EHMT1: variants seen among roughly 807,000 people sequenced by gnomAD.
The protein encoded by EHMT1 is histone-lysine N-methyltransferase EHMT1.
Under a neutral mutation model 147.2 loss-of-function variants are expected in EHMT1, and 15 were observed. The observed-to-expected ratio is 0.10, with a 90% CI of 0.07 to 0.16. The LOEUF is 0.16. Ranked by LOEUF, EHMT1 falls within the 10% of genes least tolerant of loss-of-function variation. The probability of loss-of-function intolerance (pLI) is 1.00; values close to 1 mark genes in which losing one functional copy is unlikely to be tolerated. For synonymous variants in EHMT1, 795 were observed against 709.6 expected (o/e 1.12, Z -1.91); for missense variants, 1,587 against 1,772.4 (o/e 0.90, Z 1.88).
chr9:137,723,629 T>C (rs1340835501), intron 3 of EHMT1, among the ~76,000 whole-genome samples: 1 of 152,070 alleles, frequency 6.6e-6, no homozygotes, highest in Non-Finnish European at 1.5e-5. Context: ...TGGCCCGGGG[T>C]GTGCCCGTGT....
rs1450445010 is a variant in EHMT1, at chr9:137,776,575, C to A, written c.1792-43C>A. ...AGTACTTTATTTTTCTAAATATTAA[C>A]CCCAATTAAAACAAAAATTTTTTTT... On this transcript the variant is annotated intron_variant, in intron 11 of 26. Coordinates refer to ENST00000460843, the MANE Select transcript of EHMT1 (RefSeq NM_024757.5). The surrounding 1 kb of genome is among the most constrained non-coding windows in gnomAD (Gnocchi z 4.4). 1.3e-6 allele frequency: 2 copies of A among 1,599,252 alleles called. No homozygotes were observed. Among genetic ancestry groups the A allele is most frequent in the Non-Finnish European group, 1.7e-6 (2 of 1,167,568 alleles).
At chr9:137,815,800 C>T (rs959584682) in intron 22 of EHMT1, 147 bp from the exon 23 acceptor site, 5 of 723,086 alleles carry the variant, frequency 6.9e-6, no homozygotes, top group South Asian at 1.5e-5. Context: ...TGGAGTTTTT[C>T]CCTAGGTGGG....
At chr9:137,721,246 TCGCC>T (rs2135599565) in intron 3 of EHMT1, among the ~76,000 whole-genome samples, 1 of 134,742 alleles carries the variant, frequency 7.4e-6, no homozygotes. Flanking sequence ...CTTCTCACAC[TCGCC>T]CCCTCCCAGA....
intron 1 of EHMT1, among the ~76,000 whole-genome samples, chr9:137,655,700 C>A (rs1355406057): frequency 6.6e-6 from 1 of 152,178 alleles, no homozygotes; most frequent in Non-Finnish European, 1.5e-5. Flanking sequence ...GCCAGATCAG[C>A]AGTGGGATTA....
At chr9:137,669,345 A>AGCACGTGCACTCGACT (rs1564562465) in intron 1 of EHMT1, among the ~76,000 whole-genome samples, 1 of 9,074 alleles carries the variant, frequency 1.1e-4, no homozygotes, top group African/African-American at 6.7e-4. Flanking sequence ...TGGACCCCAC[A>AGCACGTGCACTCGACT]CCACCCAAGA....
intron 25 of EHMT1, among the ~76,000 whole-genome samples, chr9:137,818,419 C>T (rs1259863071): frequency 6.6e-6 from 1 of 152,310 alleles, no homozygotes. Context: ...GTCCTCCAAA[C>T]CACAACTGAG....
intron 18 of EHMT1, among the ~76,000 whole-genome samples, chr9:137,809,659 C>G (rs13440053): frequency 0.14 from 21,940 of 152,268 alleles, 5,181 homozygotes; most frequent in African/African-American, 0.49. Flanking sequence ...GAACGTGAAA[C>G]GCTCACGTGC....
Position 137,800,933 on chromosome 9 carries a change from C to T in EHMT1, c.2661C>T (p.Asp887=), listed in dbSNP as rs139459283. ...GGGCCACAGAGTACAAGCACGTGGA[C>T]CTCGTGAAGCTGCTGCTGTCCAAGG... The part of the protein sequence containing the change: ...MIWATEYKHV[D]LVKLLLSKGS... Residue 887 remains aspartate, a synonymous_variant, in exon 18 of 27, where the codon GAC becomes GAT. Coordinates refer to ENST00000460843, the MANE Select transcript of EHMT1 (RefSeq NM_024757.5). The T allele has an allele frequency of 2.1e-5, 34 of 1,614,046 alleles. No individual in the cohort carries two copies. The South Asian group carries it at 2.3e-4, about 11-fold the overall frequency.
intron 25 of EHMT1, among the ~76,000 whole-genome samples, chr9:137,826,958 C>T (rs1343655064): frequency 6.6e-6 from 1 of 152,216 alleles, no homozygotes; most frequent in Non-Finnish European, 1.5e-5. Flanking sequence ...AATACTGCTC[C>T]ATCAGATCGC....
At chr9:137,740,316 C>A (rs1347095066) in intron 4 of EHMT1, among the ~76,000 whole-genome samples, 1 of 152,144 alleles carries the variant, frequency 6.6e-6, no homozygotes, top group East Asian at 1.9e-4. Flanking sequence ...CTGAAGCCCC[C>A]CCCTCGCCCC....
At chr9:137,781,405 T>TGGTGATGACGCTGGGATGTGC (rs1564749708) in intron 14 of EHMT1, among the ~76,000 whole-genome samples, 1 of 148,392 alleles carries the variant, frequency 6.7e-6, no homozygotes, top group African/African-American at 2.6e-5. Context: ...CTGGGATGTG[T>TGGTGATGACGCTGGGATGTGC]GGTGATGATG....
intron 4 of EHMT1, among the ~76,000 whole-genome samples, chr9:137,739,317 A>G (rs912542298): frequency 7.3e-5 from 11 of 151,494 alleles, no homozygotes; most frequent in South Asian, 2.1e-4. Flanking sequence ...GATCGCACCA[A>G]TGCACTCCAG....
intron 25 of EHMT1, 103 bp downstream of exon 25, chr9:137,818,241 T>A (rs1412372918): frequency 1.5e-6 from 2 of 1,303,936 alleles, no homozygotes; most frequent in Non-Finnish European, 2.2e-6. Flanking sequence ...GCTCTTACTG[T>A]TGACAAGAGT....
intron 1 of EHMT1, among the ~76,000 whole-genome samples, chr9:137,692,246 C>G (rs1223691765): frequency 4.1e-5 from 6 of 147,662 alleles, no homozygotes; most frequent in Non-Finnish European, 9.0e-5. Flanking sequence ...TCTTTTTTTT[C>G]TTTTCTTTCT....
chr9:137,701,603 TGG>T (rs1943833107), intron 1 of EHMT1, among the ~76,000 whole-genome samples: 2 of 137,952 alleles, frequency 1.4e-5, no homozygotes, highest in Admixed American at 7.3e-5. Flanking sequence ...GGATTACAGG[TGG>T]GCGCCACCAT....
Position 137,731,260 on chromosome 9 carries a change from A to G in EHMT1, c.823+2731A>G, listed in dbSNP as rs1176551071. 6.6e-6 allele frequency among the ~76,000 whole-genome samples: 1 copy of G among 152,222 alleles called. No individual in the cohort carries two copies. The highest frequency in any genetic ancestry group is 2.4e-5 in the African/African-American group (1 of 41,462). The stretch of plus-strand genomic sequence containing the variant: ...GAGCACTGGAGGAGATGTGCTCGGC[A>G]GTTAGCTGCCTGCTGTGGTCCAGTG... On this transcript the variant is annotated intron_variant, in intron 4 of 26. Transcript: ENST00000460843. The surrounding 1 kb of genome is among the most constrained non-coding windows in gnomAD (Gnocchi z 4.3).
chr9:137,767,765 A>T (rs1242001905), intron 10 of EHMT1, among the ~76,000 whole-genome samples: 3 of 152,118 alleles, frequency 2.0e-5, no homozygotes, highest in Non-Finnish European at 4.4e-5. Context: ...GCGTGCCAAG[A>T]TCTCACTACT....
intron 1 of EHMT1, among the ~76,000 whole-genome samples, chr9:137,649,105 G>A (rs1426207920): frequency 1.3e-5 from 2 of 152,164 alleles, no homozygotes; most frequent in Non-Finnish European, 2.9e-5. Flanking sequence ...TGTGACTTCA[G>A]AAATAGTGTT....
intron 10 of EHMT1, among the ~76,000 whole-genome samples, chr9:137,767,962 T>C (rs1950319468): frequency 6.6e-6 from 1 of 152,242 alleles, no homozygotes; most frequent in African/African-American, 2.4e-5. Context: ...TGCAAATTTT[T>C]TGTGATCAGA....
Sources: allele counts gnomAD v4.1 joint callset (sites outside exome capture counted in the v4.1 genomes callset), GRCh38; gene constraint gnomAD v4.1.1; non-coding constraint Gnocchi (gnomAD v3.1); transcripts MANE v1.5; gene names NCBI Gene and HGNC (gene_info 2026-07-23, HGNC 2026-07-21).